The following HS3ST4 variants were observed in gnomAD, a reference collection of about 807,000 sequenced individuals.
HS3ST4 encodes heparan sulfate-glucosamine 3-sulfotransferase 4.
HS3ST4 carries 17 observed loss-of-function variants against 29.2 expected under a neutral mutation model. That is an observed-to-expected ratio of 0.58 (90% CI 0.40 to 0.87). The LOEUF is 0.87. Ranked by LOEUF, HS3ST4 falls within the 40% of genes least tolerant of loss-of-function variation. The probability of loss-of-function intolerance (pLI) is 0.00; values close to 1 mark genes in which losing one functional copy is unlikely to be tolerated. For synonymous variants in HS3ST4, 314 were observed against 285.7 expected (o/e 1.10, Z -1.00); for missense variants, 627 against 634.5 (o/e 0.99, Z 0.13).
At chr16:25,895,467 C>G (rs1968051932) in intron 1 of HS3ST4, among the ~76,000 whole-genome samples, 1 of 151,812 alleles carries the variant, frequency 6.6e-6, no homozygotes, top group Admixed American at 6.6e-5. Context: ...GGGCTGGTCA[C>G]AGGAGAGTTG....
chr16:25,857,924 C>CTTTCTTTCTTTCTTTCT (rs1967594648), intron 1 of HS3ST4, among the ~76,000 whole-genome samples: 1 of 42,172 alleles, frequency 2.4e-5, no homozygotes, highest in Admixed American at 2.3e-4. Flanking sequence ...TCCTTCCTTT[C>CTTTCTTTCTTTCTTTCT]TTTCTTTCTT....
intron 1 of HS3ST4, among the ~76,000 whole-genome samples, chr16:25,834,904 A>T (rs979466720): frequency 6.6e-6 from 1 of 152,072 alleles, no homozygotes; most frequent in Non-Finnish European, 1.5e-5. Context: ...CTGAGATCGC[A>T]CCACTGCACT....
intron 1 of HS3ST4, among the ~76,000 whole-genome samples, chr16:25,867,457 G>A (rs968431938): frequency 2.6e-5 from 4 of 152,120 alleles, no homozygotes; most frequent in East Asian, 1.9e-4. Flanking sequence ...GTCCATGTGC[G>A]GCTTTAGAAT....
At chr16:26,116,555 T>C (rs960215858) in intron 1 of HS3ST4, among the ~76,000 whole-genome samples, 1 of 151,096 alleles carries the variant, frequency 6.6e-6, no homozygotes, top group African/African-American at 2.4e-5. Context: ...GTAAGAAAAA[T>C]AAATTTAAAG....
chr16:26,112,381 C>CTTTTTT lies in HS3ST4; in HGVS notation c.735-23217_735-23212dup, dbSNP rs386384539. 1.5e-3 allele frequency among the ~76,000 whole-genome samples: 170 copies of CTTTTTT among 111,894 alleles called. 3 individuals carry two copies. Among genetic ancestry groups the CTTTTTT allele is most frequent in the Non-Finnish European group, 2.3e-3 (133 of 57,384 alleles). 73.4% of individuals were successfully genotyped at this position (111,894 alleles called of 152,430 possible). On this transcript the variant is annotated intron_variant, in intron 1 of 1. Coordinates refer to ENST00000331351, the MANE Select transcript of HS3ST4 (RefSeq NM_006040.3). ...GCTTGAAGCCTTAAAGCCTCTACAT[C>CTTTTTT]TTTTTTTTTTTTTTTTTTTGAGACG...
chr16:25,980,236 A>G (rs1038423287), intron 1 of HS3ST4, among the ~76,000 whole-genome samples: 1 of 152,108 alleles, frequency 6.6e-6, no homozygotes, highest in African/African-American at 2.4e-5. Context: ...CATTCCTAAC[A>G]TGTACTGTGA....
At chr16:26,005,746 A>C (rs1286881701) in intron 1 of HS3ST4, among the ~76,000 whole-genome samples, 4 of 151,950 alleles carry the variant, frequency 2.6e-5, no homozygotes, top group Non-Finnish European at 5.9e-5. Flanking sequence ...AAAAAAAAAA[A>C]ACCTTTGAAG....
At chr16:25,958,332 T>A (rs541202355) in intron 1 of HS3ST4, among the ~76,000 whole-genome samples, 32 of 152,246 alleles carry the variant, frequency 2.1e-4, no homozygotes, top group African/African-American at 7.5e-4. Flanking sequence ...TTAGGAAGAC[T>A]TTTTTCTTTT....
chr16:25,957,219 A>C (rs1421338070), intron 1 of HS3ST4, among the ~76,000 whole-genome samples: 1 of 152,038 alleles, frequency 6.6e-6, no homozygotes, highest in Non-Finnish European at 1.5e-5. Flanking sequence ...CCTCCTTTAG[A>C]AAAAACCTCC....
chr16:25,752,919 C>T (rs957963342), intron 1 of HS3ST4, among the ~76,000 whole-genome samples: 23 of 152,120 alleles, frequency 1.5e-4, no homozygotes, highest in Non-Finnish European at 2.1e-4. Flanking sequence ...ATTAGACTGA[C>T]GGTATTATAG....
intron 1 of HS3ST4, among the ~76,000 whole-genome samples, chr16:25,952,332 C>T (rs2141697612): frequency 6.6e-6 from 1 of 152,326 alleles, no homozygotes; most frequent in South Asian, 2.1e-4. Context: ...GTTCAGTTGG[C>T]TTCCTCCAGG....
intron 1 of HS3ST4, among the ~76,000 whole-genome samples, chr16:25,971,612 T>C (rs938810722): frequency 6.6e-6 from 1 of 152,120 alleles, no homozygotes. Context: ...TTGTTATTAT[T>C]GTAGCATTAA....
intron 1 of HS3ST4, among the ~76,000 whole-genome samples, chr16:25,788,544 CTTTTTTT>C (rs565611368): frequency 4.5e-4 from 56 of 123,556 alleles, no homozygotes; most frequent in African/African-American, 1.6e-3. Context: ...TTTCTTCTTT[CTTTTTTT>C]TTTTTTTTTG....
intron 1 of HS3ST4, among the ~76,000 whole-genome samples, chr16:26,069,238 C>A (rs1898575146): frequency 6.6e-6 from 1 of 152,198 alleles, no homozygotes; most frequent in South Asian, 2.1e-4. Context: ...AGGCATGAGC[C>A]ACTGCACCCA....
chr16:25,704,874 C>T (rs1292242514), intron 1 of HS3ST4, among the ~76,000 whole-genome samples: 1 of 134,878 alleles, frequency 7.4e-6, no homozygotes, highest in Non-Finnish European at 1.6e-5. Flanking sequence ...AGCAAAACTC[C>T]ATCTCAAAAA....
intron 1 of HS3ST4, among the ~76,000 whole-genome samples, chr16:26,129,690 C>T (rs1899392337): frequency 6.6e-6 from 1 of 152,082 alleles, no homozygotes. Context: ...AGTAATTTGC[C>T]AAGGATCACA....
chr16:25,881,499 C>CCA (rs1273117030), intron 1 of HS3ST4, among the ~76,000 whole-genome samples: 2 of 152,084 alleles, frequency 1.3e-5, no homozygotes, highest in Admixed American at 6.5e-5. Context: ...CAGTAAAGGG[C>CCA]ACCTGGATGC....
At chr16:26,120,609 G>A (rs761282464) in intron 1 of HS3ST4, among the ~76,000 whole-genome samples, 8 of 152,192 alleles carry the variant, frequency 5.3e-5, no homozygotes, top group Non-Finnish European at 8.8e-5. Context: ...GAACACACTC[G>A]CTCTTCACAG....
intron 1 of HS3ST4, among the ~76,000 whole-genome samples, chr16:25,741,365 T>TAAG (rs1555463545): frequency 1.5e-5 from 1 of 66,186 alleles, no homozygotes; most frequent in Non-Finnish European, 2.6e-5. Context: ...GAATTCAAGG[T>TAAG]AAAAAAAAAA....
Sources: allele counts gnomAD v4.1 joint callset (sites outside exome capture counted in the v4.1 genomes callset), GRCh38; gene constraint gnomAD v4.1.1; transcripts MANE v1.5; gene names NCBI Gene and HGNC (gene_info 2026-07-23, HGNC 2026-07-21).